Variants in GPHN observed in about 807,000 individuals in gnomAD.
GPHN encodes the protein gephyrin.
Under a neutral mutation model 95.5 loss-of-function variants are expected in GPHN, and 17 were observed. The ratio of observed to expected loss-of-function variants is 0.18; its 90% CI spans 0.12 to 0.27. The LOEUF (loss-of-function observed/expected upper bound fraction) is 0.27, where lower values mean the gene tolerates loss of function less well. Among genes scored for constraint, GPHN ranks in the 10% least tolerant of loss-of-function variants. The pLI is 1.00. For missense variants in GPHN, 660 were observed against 978.1 expected, an observed-to-expected ratio of 0.67 and a Z score of 4.34; for synonymous variants, 320 against 322.5, an observed-to-expected ratio of 0.99 and a Z score of 0.08.
intron 1 of GPHN, among the ~76,000 whole-genome samples, chr14:66,632,727 G>A (rs1385640544): frequency 1.3e-5 from 2 of 151,900 alleles, no homozygotes; most frequent in African/African-American, 4.8e-5. Context: ...TTCTGACCTC[G>A]TGATCCGCCT....
At chr14:67,672,381 A>G in the GPHN span, among the ~76,000 whole-genome samples, 18,996 of 151,168 alleles carry the variant, frequency 0.13, 1,454 homozygotes, top group South Asian at 0.33. Context: ...AGCTTCCCCA[A>G]GTGCTGGGAT....
At chr14:66,893,929 C>T (rs1172254828) in intron 5 of GPHN, among the ~76,000 whole-genome samples, 1 of 152,098 alleles carries the variant, frequency 6.6e-6, no homozygotes, top group Non-Finnish European at 1.5e-5. Context: ...GTGAAAATGG[C>T]CATACTGCCC....
chr14:67,527,894 A>G, the GPHN span, among the ~76,000 whole-genome samples: 2 of 152,222 alleles, frequency 1.3e-5, no homozygotes, highest in Admixed American at 1.3e-4. Context: ...TCTTCCTGTC[A>G]GCGAAAGTAG....
chr14:67,508,131 A>G, the GPHN span, among the ~76,000 whole-genome samples: 2 of 95,598 alleles, frequency 2.1e-5, no homozygotes, highest in African/African-American at 6.0e-5. Context: ...GCTAAACTCC[A>G]TCTCAAAAAA....
intron 1 of GPHN, among the ~76,000 whole-genome samples, chr14:66,656,728 C>T (rs1278986218): frequency 6.6e-6 from 1 of 152,072 alleles, no homozygotes; most frequent in Non-Finnish European, 1.5e-5. Context: ...TTTGGCTTAC[C>T]ATGAACCACA....
the GPHN span, among the ~76,000 whole-genome samples, chr14:67,484,338 A>G: frequency 0.018 from 2,795 of 152,330 alleles, 95 homozygotes; most frequent in African/African-American, 0.064. Context: ...AAACAGGCCC[A>G]GGCCCTTAAA....
chr14:66,650,586 A>T (rs1175348800), intron 1 of GPHN, among the ~76,000 whole-genome samples: 1 of 152,164 alleles, frequency 6.6e-6, no homozygotes, highest in Non-Finnish European at 1.5e-5. Context: ...GTTAGAGAGG[A>T]TTAATGAATC....
chr14:67,096,187 CA>C (rs984824468), intron 12 of GPHN, among the ~76,000 whole-genome samples: 4 of 152,056 alleles, frequency 2.6e-5, no homozygotes, highest in African/African-American at 4.8e-5. Context: ...ACACATTTAC[CA>C]ACTGGAAAGG....
chr14:66,707,273 G>C (rs2069164742), intron 2 of GPHN, among the ~76,000 whole-genome samples: 1 of 152,116 alleles, frequency 6.6e-6, no homozygotes. Context: ...CAAGGATCTA[G>C]AACCAGAAAT....
the GPHN span, among the ~76,000 whole-genome samples, chr14:67,339,120 C>T: frequency 2.0e-5 from 3 of 151,786 alleles, no homozygotes; most frequent in African/African-American, 2.4e-5. Context: ...CTCAGCCTCC[C>T]GAGTAGCTGG....
At chr14:66,539,113 T>C (rs1009097795) in intron 1 of GPHN, among the ~76,000 whole-genome samples, 3 of 152,202 alleles carry the variant, frequency 2.0e-5, no homozygotes, top group African/African-American at 7.2e-5. Context: ...GATCTAATTC[T>C]GTTCTTTAGA....
the GPHN span, among the ~76,000 whole-genome samples, chr14:67,342,033 G>C: frequency 1.4e-4 from 21 of 151,870 alleles, no homozygotes; most frequent in Middle Eastern, 3.4e-3. Context: ...AAGTACCCAC[G>C]GACACAAACA....
At chr14:66,572,252 C>T (rs535714521) in intron 1 of GPHN, among the ~76,000 whole-genome samples, 1 of 152,082 alleles carries the variant, frequency 6.6e-6, no homozygotes, top group Non-Finnish European at 1.5e-5. Flanking sequence ...TTGGTCGTTC[C>T]ATGTGAATTT....
chr14:67,324,897 A>ATTTTTT, the GPHN span, among the ~76,000 whole-genome samples: 65 of 76,332 alleles, frequency 8.5e-4, 4 homozygotes, highest in African/African-American at 2.6e-3. Context: ...CCTTCCTTTC[A>ATTTTTT]TTTTTTTTTT....
intron 9 of GPHN, among the ~76,000 whole-genome samples, chr14:67,021,707 A>T (rs2073638235): frequency 6.6e-6 from 1 of 152,060 alleles, no homozygotes; most frequent in African/African-American, 2.4e-5. Flanking sequence ...ACTCATCTGA[A>T]CTGCTCTGTT....
chr14:66,508,638 A>C, intron 1 of GPHN, 47 bp downstream of exon 1: 1 of 1,500,176 alleles, frequency 6.7e-7, no homozygotes, highest in Non-Finnish European at 9.3e-7. Context: ...CTGTCCCTGC[A>C]TTGCCTTAGG....
chr14:67,178,952 T>C (rs962749489), intron 21 of GPHN, among the ~76,000 whole-genome samples: 1 of 151,990 alleles, frequency 6.6e-6, no homozygotes, highest in Admixed American at 6.6e-5. Flanking sequence ...CAACCAGAAA[T>C]ACTATATGCA....
At chr14:67,018,652 C>A (rs1430502189) in intron 9 of GPHN, among the ~76,000 whole-genome samples, 2 of 152,146 alleles carry the variant, frequency 1.3e-5, no homozygotes, top group African/African-American at 2.4e-5. Context: ...AATTTTCCAC[C>A]TCTCTTTGGG....
intron 1 of GPHN, among the ~76,000 whole-genome samples, chr14:66,532,139 G>A (rs2058966524): frequency 6.6e-6 from 1 of 152,212 alleles, no homozygotes; most frequent in African/African-American, 2.4e-5. Context: ...TTTTATATTA[G>A]TTAACATTTG....
Sources: gnomAD v4.1 joint callset for allele counts (sites outside exome capture counted in the v4.1 genomes callset) on GRCh38, gnomAD v4.1.1 for gene constraint, MANE v1.5 for transcripts, NCBI Gene and HGNC (gene_info 2026-07-23, HGNC 2026-07-21) for gene names.